Variants in TMEM163 observed in about 807,000 individuals in gnomAD.
TMEM163 encodes the protein transmembrane protein 163.
Under a neutral mutation model 29.3 loss-of-function variants are expected in TMEM163, and 17 were observed. The ratio of observed to expected loss-of-function variants is 0.58; its 90% CI spans 0.40 to 0.87. The LOEUF (loss-of-function observed/expected upper bound fraction) is 0.87. Among genes scored for constraint, TMEM163 ranks in the 40% least tolerant of loss-of-function variants. The pLI, the probability that TMEM163 is intolerant of heterozygous loss-of-function variation, is 0.00. For missense variants in TMEM163, 303 were observed against 381.5 expected, an observed-to-expected ratio of 0.79 and a Z score of 1.71; for synonymous variants, 157 against 160.6, an observed-to-expected ratio of 0.98 and a Z score of 0.17.
Position 134,502,988 on chromosome 2 carries a change from G to A in TMEM163, c.468C>T (p.Val156=). 2 of 1,613,412 alleles carry A rather than the reference G, an allele frequency of 1.2e-6. No individual in the cohort carries two copies. The highest frequency in any genetic ancestry group is 2.2e-5 in the East Asian group (1 of 44,846). Residue 156 remains valine, a synonymous_variant, in exon 5 of 8, where the codon GTC becomes GTT. Transcript: ENST00000281924. The part of the protein sequence containing the change: ...HSAHREYIAC[V]ILGVIFLLSS... ...ACAGAAGGAATATCACCCCCAAGAT[G>A]ACACAGGCTCTGCAAAAAACAAAAC...
intron 5 of TMEM163, among the ~76,000 whole-genome samples, chr2:134,470,820 A>C (rs1382364043): frequency 6.6e-6 from 1 of 152,200 alleles, no homozygotes; most frequent in Non-Finnish European, 1.5e-5. Flanking sequence ...CACGGCTGCC[A>C]TGTTGACTGT....
chr2:134,624,723 A>C (rs1341981472), intron 2 of TMEM163, among the ~76,000 whole-genome samples: 1 of 152,164 alleles, frequency 6.6e-6, no homozygotes, highest in Non-Finnish European at 1.5e-5. Context: ...AGCCTAGGGA[A>C]CATGGCGAAA....
chr2:134,678,891 C>T (rs1418199996), intron 2 of TMEM163, among the ~76,000 whole-genome samples: 1 of 152,204 alleles, frequency 6.6e-6, no homozygotes, highest in Non-Finnish European at 1.5e-5. Context: ...TTTAATGAGG[C>T]TCCTGTATGT....
chr2:134,683,283 T>C (rs1216727249), intron 2 of TMEM163, among the ~76,000 whole-genome samples: 1 of 152,096 alleles, frequency 6.6e-6, no homozygotes, highest in African/African-American at 2.4e-5. Flanking sequence ...GTTCATCAAG[T>C]GTAACAAATG....
intron 2 of TMEM163, among the ~76,000 whole-genome samples, chr2:134,610,852 G>T (rs939102479): frequency 6.6e-6 from 1 of 152,098 alleles, no homozygotes; most frequent in African/African-American, 2.4e-5. Flanking sequence ...GAGTGTGGGG[G>T]TAGAGCCTCA....
At chr2:134,713,551 A>G in intron 1 of TMEM163, 1 of 667,262 alleles carries the variant, frequency 1.5e-6, no homozygotes, top group Non-Finnish European at 2.7e-6. Flanking sequence ...TCTGCAGGGT[A>G]ACAGCAGCTG....
chr2:134,536,498 G>A (rs544169761), intron 4 of TMEM163, among the ~76,000 whole-genome samples: 25 of 152,164 alleles, frequency 1.6e-4, no homozygotes, highest in African/African-American at 4.6e-4. Context: ...AGGCAGCCCC[G>A]GGCTCTGGAG....
At chr2:134,504,114 C>T (rs181546353) in intron 4 of TMEM163, among the ~76,000 whole-genome samples, 4 of 152,242 alleles carry the variant, frequency 2.6e-5, no homozygotes, top group East Asian at 3.9e-4. Flanking sequence ...TCTAGAGTAA[C>T]AGCATGGCCC....
At chr2:134,507,103 G>A (rs909315659) in intron 4 of TMEM163, among the ~76,000 whole-genome samples, 8 of 152,120 alleles carry the variant, frequency 5.3e-5, no homozygotes, top group East Asian at 3.9e-4. Flanking sequence ...TTGGGAGGCC[G>A]AGGTGGGTGG....
At chr2:134,703,182 G>T (rs1307410830) in intron 2 of TMEM163, among the ~76,000 whole-genome samples, 1 of 152,092 alleles carries the variant, frequency 6.6e-6, no homozygotes, top group Non-Finnish European at 1.5e-5. Context: ...AGGAAACAGG[G>T]GGTCCAACAG....
intron 2 of TMEM163, among the ~76,000 whole-genome samples, chr2:134,618,510 G>A (rs753797731): frequency 1.3e-5 from 2 of 151,994 alleles, no homozygotes; most frequent in Admixed American, 6.6e-5. Context: ...AATCAGTAAA[G>A]ATATAAAAAA....
chr2:134,689,875 T>A (rs187291525), intron 2 of TMEM163, among the ~76,000 whole-genome samples: 3 of 152,330 alleles, frequency 2.0e-5, no homozygotes, highest in African/African-American at 7.2e-5. Flanking sequence ...AAGAACGGCA[T>A]GCAGAGCCCA....
intron 2 of TMEM163, among the ~76,000 whole-genome samples, chr2:134,558,243 G>A (rs918901660): frequency 1.3e-5 from 2 of 152,146 alleles, no homozygotes; most frequent in Non-Finnish European, 2.9e-5. Context: ...GAAGTACAGT[G>A]GTGGACCAAG....
At chr2:134,514,035 T>C (rs1470381988) in intron 4 of TMEM163, among the ~76,000 whole-genome samples, 2 of 152,202 alleles carry the variant, frequency 1.3e-5, no homozygotes, top group Non-Finnish European at 1.5e-5. Flanking sequence ...CTTGGAAGCA[T>C]GCCGCGTCTT....
At chr2:134,703,856 A>G (rs1423010251) in intron 2 of TMEM163, among the ~76,000 whole-genome samples, 1 of 151,962 alleles carries the variant, frequency 6.6e-6, no homozygotes, top group Non-Finnish European at 1.5e-5. Context: ...TAAAAAAAAA[A>G]AAAAAAGATC....
At chr2:134,677,760 TATA>T (rs1684147257) in intron 2 of TMEM163, among the ~76,000 whole-genome samples, 1 of 152,230 alleles carries the variant, frequency 6.6e-6, no homozygotes. Flanking sequence ...GTGTTACTTC[TATA>T]ATATTATTTT....
intron 2 of TMEM163, among the ~76,000 whole-genome samples, chr2:134,674,899 C>T (rs1684082002): frequency 6.6e-6 from 1 of 152,218 alleles, no homozygotes; most frequent in African/African-American, 2.4e-5. Flanking sequence ...GTAGCCAAAG[C>T]TACTTATCTC....
chr2:134,708,197 C>T (rs1161242489), intron 2 of TMEM163, among the ~76,000 whole-genome samples: 1 of 152,166 alleles, frequency 6.6e-6, no homozygotes, highest in African/African-American at 2.4e-5. Flanking sequence ...AAGGCCAGAC[C>T]TTTAAGGCCA....
At chr2:134,675,291 CTT>C (rs894669110) in intron 2 of TMEM163, among the ~76,000 whole-genome samples, 3 of 152,280 alleles carry the variant, frequency 2.0e-5, no homozygotes, top group Middle Eastern at 3.4e-3. Context: ...CATGCAGTGA[CTT>C]TTCCTTTTAA....
Sources: gnomAD v4.1 joint callset for allele counts (sites outside exome capture counted in the v4.1 genomes callset) on GRCh38, gnomAD v4.1.1 for gene constraint, MANE v1.5 for transcripts, NCBI Gene and HGNC (gene_info 2026-07-23, HGNC 2026-07-21) for gene names.